The following BANK1 variants were observed in gnomAD, a reference collection of about 807,000 sequenced individuals.
BANK1 encodes the protein B cell scaffold protein with ankyrin repeats 1, also known as B-cell scaffold protein with ankyrin repeats.
In BANK1, 95 loss-of-function variants were observed where a neutral mutation model predicts 94.5. That is an observed-to-expected ratio of 1.00 (90% confidence interval 0.85 to 1.19). The LOEUF is 1.19. BANK1 is among the 50% of genes most tolerant of loss of function. The pLI, the probability that BANK1 is intolerant of heterozygous loss-of-function variation, is 0.00. For missense variants in BANK1, 987 were observed against 932.2 expected (o/e 1.06, Z -0.77); for synonymous variants, 334 against 308.4 (o/e 1.08, Z -0.87).
intron 2 of BANK1, among the ~76,000 whole-genome samples, chr4:101,854,543 A>G (rs1262243488): frequency 6.6e-6 from 1 of 152,100 alleles, no homozygotes; most frequent in Non-Finnish European, 1.5e-5. Flanking sequence ...CTATTAAACC[A>G]GTATTTCCTA....
chr4:102,065,191 C>G (rs1473796487), intron 13 of BANK1, among the ~76,000 whole-genome samples: 1 of 152,154 alleles, frequency 6.6e-6, no homozygotes, highest in Admixed American at 6.5e-5. Flanking sequence ...TGACATTCTG[C>G]TGTGACACCC....
At chr4:101,881,491 A>G (rs1178730241) in intron 5 of BANK1, among the ~76,000 whole-genome samples, 5 of 152,158 alleles carry the variant, frequency 3.3e-5, no homozygotes, top group Non-Finnish European at 7.4e-5. Flanking sequence ...TACAACCACT[A>G]TGGAGAATAG....
chr4:102,005,314 T>C lies in BANK1; in HGVS notation c.1207-16200T>C, dbSNP rs183006616. Among the ~76,000 whole-genome samples, 231 of 152,146 alleles carry C rather than the reference T, an allele frequency of 1.5e-3. 1 individual carries two copies. The highest frequency in any genetic ancestry group is 3.1e-3 in the Non-Finnish European group (212 of 67,946). On this transcript the variant is annotated intron_variant, in intron 7 of 16. Coordinates refer to ENST00000322953, the MANE Select transcript of BANK1 (RefSeq NM_017935.5). ...TCTGTGATCATGTATAAGCATATGA[T>C]AAATGATTAAAAAATTATAAAATAA... is the stretch of plus-strand genomic sequence containing the variant.
At chr4:101,856,211 C>T (rs981417129) in intron 3 of BANK1, among the ~76,000 whole-genome samples, 5 of 152,084 alleles carry the variant, frequency 3.3e-5, no homozygotes, top group African/African-American at 9.7e-5. Flanking sequence ...CTCTCTAGAC[C>T]CTTACCCCAT....
intron 4 of BANK1, among the ~76,000 whole-genome samples, chr4:101,867,689 C>T (rs1318705741): frequency 1.3e-5 from 2 of 151,164 alleles, no homozygotes; most frequent in African/African-American, 4.8e-5. Context: ...AGGACAATTA[C>T]TAAAAATTTT....
At chr4:101,905,978 G>A (rs1722435059) in intron 6 of BANK1, among the ~76,000 whole-genome samples, 1 of 152,136 alleles carries the variant, frequency 6.6e-6, no homozygotes, top group Non-Finnish European at 1.5e-5. Flanking sequence ...TGCACACTCT[G>A]CTAAGCTGTT....
At chr4:101,867,800 TGGTA>T (rs1261407188) in intron 4 of BANK1, among the ~76,000 whole-genome samples, 1 of 149,524 alleles carries the variant, frequency 6.7e-6, no homozygotes, top group Non-Finnish European at 1.5e-5. Flanking sequence ...AAGCTATAAA[TGGTA>T]GGCTAAGAAG....
intron 7 of BANK1, among the ~76,000 whole-genome samples, chr4:101,928,426 G>A (rs2148904300): frequency 6.6e-6 from 1 of 151,744 alleles, no homozygotes; most frequent in South Asian, 2.1e-4. Context: ...AAAAATCAGA[G>A]CATTTTTATC....
intron 7 of BANK1, among the ~76,000 whole-genome samples, chr4:101,938,634 A>G (rs1365977149): frequency 6.6e-6 from 1 of 151,668 alleles, no homozygotes; most frequent in Non-Finnish European, 1.5e-5. Context: ...AATAAAAAAC[A>G]TAACAACACA....
intron 2 of BANK1, among the ~76,000 whole-genome samples, chr4:101,833,815 A>C (rs1269205722): frequency 6.6e-6 from 1 of 152,234 alleles, no homozygotes; most frequent in African/African-American, 2.4e-5. Flanking sequence ...AAATATTCAC[A>C]GTACACCATA....
intron 7 of BANK1, among the ~76,000 whole-genome samples, chr4:102,007,825 A>G (rs1290468466): frequency 1.3e-5 from 2 of 152,158 alleles, no homozygotes; most frequent in Non-Finnish European, 2.9e-5. Flanking sequence ...GAACTGTATC[A>G]CACAATTTTA....
intron 7 of BANK1, among the ~76,000 whole-genome samples, chr4:102,005,394 A>G (rs187609919): frequency 3.3e-5 from 5 of 152,230 alleles, no homozygotes; most frequent in Non-Finnish European, 5.9e-5. Flanking sequence ...ATGTTTTTCA[A>G]TCCATTTTTA....
intron 7 of BANK1, among the ~76,000 whole-genome samples, chr4:102,016,541 G>A (rs929081866): frequency 7.9e-5 from 12 of 152,080 alleles, no homozygotes; most frequent in Non-Finnish European, 1.0e-4. Context: ...CATCACCCTC[G>A]TTTAACTTTT....
chr4:101,879,313 A>G (rs1242316403), intron 5 of BANK1, among the ~76,000 whole-genome samples: 5 of 152,134 alleles, frequency 3.3e-5, no homozygotes, highest in Admixed American at 6.5e-5. Flanking sequence ...GTTAGTGGCT[A>G]CTGTGAGCAA....
At chr4:101,820,230 A>T (rs1211588904) in intron 1 of BANK1, among the ~76,000 whole-genome samples, 1 of 152,180 alleles carries the variant, frequency 6.6e-6, no homozygotes, top group African/African-American at 2.4e-5. Context: ...CAGTCTAATA[A>T]CCCTTAAAAT....
intron 7 of BANK1, among the ~76,000 whole-genome samples, chr4:102,007,150 A>ATATATATATAAAATATAT (rs1726330815): frequency 4.4e-5 from 1 of 22,542 alleles, no homozygotes; most frequent in African/African-American, 1.2e-4. Flanking sequence ...TATATTTTAT[A>ATATATATATAAAATATAT]TATATATATA....
chr4:101,791,042 G>T, intron 1 of BANK1, 92 bp downstream of exon 1: 3 of 1,029,834 alleles, frequency 2.9e-6, no homozygotes, highest in Non-Finnish European at 4.0e-6. Context: ...AACTGCACTC[G>T]GGCACTGAGG....
In BANK1 at chr4:102,043,912, T is replaced by TA. The variant is rs750628481; in HGVS notation, c.1969+7dup. ...GTGGTCTTCCTAAGAAACAAGGTAC[T>TA]AACACTAACTTCAATCTATTTAGTA... is the stretch of plus-strand genomic sequence containing the variant. On this transcript the variant is annotated splice_donor_region_variant and intron_variant, in intron 11 of 16. Transcript: ENST00000322953. 2.0e-6 allele frequency: 3 copies of TA among 1,535,312 alleles called. No individual in the cohort carries two copies. Among genetic ancestry groups the TA allele is most frequent in the Non-Finnish European group, 2.7e-6 (3 of 1,111,914 alleles).
intron 7 of BANK1, among the ~76,000 whole-genome samples, chr4:101,955,549 C>G (rs1388930319): frequency 1.3e-5 from 2 of 152,004 alleles, no homozygotes; most frequent in Non-Finnish European, 2.9e-5. Context: ...AAATGATGTC[C>G]TGTATATTAT....
Sources: allele counts gnomAD v4.1 joint callset (sites outside exome capture counted in the v4.1 genomes callset), GRCh38; gene constraint gnomAD v4.1.1; transcripts MANE v1.5; gene names NCBI Gene and HGNC (gene_info 2026-07-23, HGNC 2026-07-21).